EGFLAM: variants seen among roughly 807,000 people sequenced by gnomAD.
EGFLAM encodes EGF like, fibronectin type III and laminin G domains, also known as pikachurin.
EGFLAM carries 79 observed loss-of-function variants against 113.1 expected under a neutral mutation model. The observed-to-expected ratio is 0.70, with a 90% CI of 0.58 to 0.84. The LOEUF is 0.84. Among genes scored for constraint, EGFLAM ranks in the 40% least tolerant of loss-of-function variants. The probability of loss-of-function intolerance (pLI) is 0.00; values close to 1 mark genes in which losing one functional copy is unlikely to be tolerated. For missense variants in EGFLAM, 1,265 were observed against 1,291.6 expected (o/e 0.98, Z 0.32); for synonymous variants, 504 against 487.6 (o/e 1.03, Z -0.44).
intron 13 of EGFLAM, among the ~76,000 whole-genome samples, chr5:38,425,659 C>A (rs1037575775): frequency 6.6e-6 from 1 of 152,186 alleles, no homozygotes; most frequent in Non-Finnish European, 1.5e-5. Context: ...AGGGCACCTC[C>A]GTCCCTCAGC....
intron 6 of EGFLAM, among the ~76,000 whole-genome samples, chr5:38,404,472 A>G (rs1184755243): frequency 6.6e-6 from 1 of 152,176 alleles, no homozygotes; most frequent in Admixed American, 6.5e-5. Context: ...TGTGAAAAAT[A>G]AATGTTTGTG....
intron 17 of EGFLAM, among the ~76,000 whole-genome samples, chr5:38,445,981 G>A (rs1375886256): frequency 6.6e-6 from 1 of 152,032 alleles, no homozygotes; most frequent in Non-Finnish European, 1.5e-5. Context: ...GGGGAAAGAT[G>A]GCTGTTGGCC....
rs55713636 is a variant in EGFLAM at position 38,416,524 on chromosome 5, A to G, written c.1495-1542A>G. Among the ~76,000 whole-genome samples, 827 of 152,358 alleles carry G rather than the reference A, an allele frequency of 5.4e-3. 5 individuals are homozygous for G. Among genetic ancestry groups the G allele is most frequent in the African/African-American group, 0.018 (741 of 41,584 alleles). On this transcript the variant is annotated intron_variant, in intron 11 of 21. Coordinates refer to ENST00000322350, the MANE Select transcript of EGFLAM (RefSeq NM_152403.4). ...GCAGGCAAAGCAAGCTCCAGGGATC[A>G]GAAGGCAACCCTCATCTGAAATGTA...
intron 6 of EGFLAM, among the ~76,000 whole-genome samples, chr5:38,376,190 T>A (rs1037751950): frequency 6.6e-6 from 1 of 152,216 alleles, no homozygotes; most frequent in African/African-American, 2.4e-5. Context: ...GGCCACCAAC[T>A]ACTGAGCTTG....
intron 6 of EGFLAM, among the ~76,000 whole-genome samples, chr5:38,389,617 C>G (rs1740757759): frequency 1.3e-5 from 2 of 152,098 alleles, no homozygotes; most frequent in Non-Finnish European, 1.5e-5. Context: ...ATTAGTCCTT[C>G]CAAACTATTC....
chr5:38,453,474 T>C (rs1224878982), intron 19 of EGFLAM, among the ~76,000 whole-genome samples: 1 of 152,200 alleles, frequency 6.6e-6, no homozygotes, highest in Non-Finnish European at 1.5e-5. Context: ...TCCAATGTTA[T>C]GCTATTCCCT....
chr5:38,418,402 C>A, intron 12 of EGFLAM, 147 bp downstream of exon 12: 1 of 1,027,574 alleles, frequency 9.7e-7, no homozygotes, highest in Non-Finnish European at 1.4e-6. Flanking sequence ...GGGAGGTGGG[C>A]CTCAGGGGTG....
chr5:38,350,391 G>T, intron 3 of EGFLAM, 110 bp from the exon 4 acceptor site: 1 of 1,043,326 alleles, frequency 9.6e-7, no homozygotes, highest in Non-Finnish European at 1.4e-6. Context: ...AACATTCTCT[G>T]TGCCAAGCAG....
At chr5:38,284,153 CTTAG>C (rs913435572) in intron 1 of EGFLAM, 3 of 152,232 alleles carry the variant, frequency 2.0e-5, no homozygotes, top group Admixed American at 6.5e-5. Context: ...GTGTCAGTGG[CTTAG>C]TTAATCACTT....
At chr5:38,380,057 T>A (rs1740470256) in intron 6 of EGFLAM, among the ~76,000 whole-genome samples, 1 of 152,206 alleles carries the variant, frequency 6.6e-6, no homozygotes, top group Non-Finnish European at 1.5e-5. Context: ...ATAAAACTAT[T>A]TATGCACACT....
intron 6 of EGFLAM, among the ~76,000 whole-genome samples, chr5:38,374,411 T>A (rs1370131559): frequency 6.6e-6 from 1 of 152,000 alleles, no homozygotes; most frequent in Non-Finnish European, 1.5e-5. Context: ...TGCTGATTGG[T>A]CAGGTTGGAG....
chr5:38,279,505 C>T (rs993266303), intron 1 of EGFLAM, among the ~76,000 whole-genome samples: 10 of 151,994 alleles, frequency 6.6e-5, no homozygotes, highest in Non-Finnish European at 7.4e-5. Flanking sequence ...GAAAATGTGG[C>T]GCATATCCAC....
intron 1 of EGFLAM, among the ~76,000 whole-genome samples, chr5:38,312,213 C>T (rs1295588656): frequency 6.6e-6 from 1 of 151,604 alleles, no homozygotes; most frequent in Non-Finnish European, 1.5e-5. Flanking sequence ...TGTGGTTTTG[C>T]AAAAGTTACT....
intron 16 of EGFLAM, 135 bp from the exon 17 acceptor site, chr5:38,438,140 A>T: frequency 2.3e-5 from 17 of 730,622 alleles, no homozygotes; most frequent in Non-Finnish European, 2.8e-5. Context: ...AAAAAAAAAA[A>T]GTGGAAACTG....
At chr5:38,306,453 A>C (rs963422037) in intron 1 of EGFLAM, among the ~76,000 whole-genome samples, 4 of 152,168 alleles carry the variant, frequency 2.6e-5, no homozygotes, top group African/African-American at 9.7e-5. Flanking sequence ...CTCACAGGAA[A>C]GCTACCGTTC....
At chr5:38,449,894 G>A (rs1211931702) in intron 18 of EGFLAM, among the ~76,000 whole-genome samples, 1 of 152,134 alleles carries the variant, frequency 6.6e-6, no homozygotes, top group African/African-American at 2.4e-5. Flanking sequence ...AAGAGAAGCA[G>A]CTGTACCCTC....
intron 1 of EGFLAM, among the ~76,000 whole-genome samples, chr5:38,271,346 A>G (rs1321099069): frequency 6.6e-6 from 1 of 152,174 alleles, no homozygotes; most frequent in African/African-American, 2.4e-5. Context: ...TTTTGCTTCA[A>G]CCGTACTCTC....
At position 38,407,081 on chromosome 5, in the gene EGFLAM, A is replaced by G. The variant is rs1561073269; in HGVS notation, c.1082A>G (p.Asp361Gly). ...TCTGCTGACAGCTTCTGTGTCAATG[A>G]CTACACCTGGGGGGGCTCGCGATGC... Reference protein sequence around the residue: ...LCSADSFCVNDYTWGGSRCQC... With the variant: ...LCSADSFCVNGYTWGGSRCQC... The change falls in exon 8 of 22, where the codon GAC becomes GGC. Residue 361 changes from aspartate to glycine, a missense_variant. Asp to Gly is a moderately conservative substitution (Grantham distance 94). Transcript: ENST00000322350. The G allele has an allele frequency of 6.2e-7, 1 of 1,614,072 alleles. No homozygotes were observed. The highest frequency in any genetic ancestry group is 2.2e-5 in the East Asian group (1 of 44,866).
intron 1 of EGFLAM, among the ~76,000 whole-genome samples, chr5:38,268,510 A>G (rs1350522804): frequency 6.6e-6 from 1 of 152,238 alleles, no homozygotes; most frequent in African/African-American, 2.4e-5. Context: ...GAAGAAAAAT[A>G]ACTAGATGTG....
Sources: allele counts gnomAD v4.1 joint callset (sites outside exome capture counted in the v4.1 genomes callset), GRCh38; gene constraint gnomAD v4.1.1; transcripts MANE v1.5; gene names NCBI Gene and HGNC (gene_info 2026-07-23, HGNC 2026-07-21).